TMEM132C: variants seen among roughly 807,000 people sequenced by gnomAD.
TMEM132C encodes the protein transmembrane protein 132C.
TMEM132C carries 29 observed loss-of-function variants against 61.4 expected under a neutral mutation model. The ratio of observed to expected loss-of-function variants is 0.47; its 90% CI spans 0.35 to 0.64. The LOEUF is 0.64. Among genes scored for constraint, TMEM132C ranks in the 30% least tolerant of loss-of-function variants. The pLI is 0.00. For synonymous variants in TMEM132C, 656 were observed against 633.1 expected (o/e 1.04, Z -0.54); for missense variants, 1,408 against 1,476.9 (o/e 0.95, Z 0.76).
chr12:128,386,084 T>G (rs749025393), intron 1 of TMEM132C, among the ~76,000 whole-genome samples: 2 of 152,142 alleles, frequency 1.3e-5, no homozygotes, highest in African/African-American at 4.8e-5. Flanking sequence ...AAGACACGCA[T>G]AATGAGGCTG....
intron 2 of TMEM132C, among the ~76,000 whole-genome samples, chr12:128,461,543 C>T (rs551663986): frequency 6.6e-6 from 1 of 152,192 alleles, no homozygotes; most frequent in African/African-American, 2.4e-5. Context: ...TATTGTTCCT[C>T]ATTTCCGGGA....
chr12:128,593,472 C>A, intron 3 of TMEM132C, among the ~76,000 whole-genome samples: 1 of 152,184 alleles, frequency 6.6e-6, no homozygotes, highest in Non-Finnish European at 1.5e-5. Context: ...CTGCAGATTG[C>A]GATGTGGAGA....
intron 3 of TMEM132C, among the ~76,000 whole-genome samples, chr12:128,605,485 A>C (rs115570412): frequency 6.6e-6 from 1 of 152,178 alleles, no homozygotes; most frequent in Non-Finnish European, 1.5e-5. Context: ...AAACACCCTC[A>C]CAGATACACC....
At chr12:128,667,002 G>A (rs1486449136) in intron 4 of TMEM132C, among the ~76,000 whole-genome samples, 1 of 152,194 alleles carries the variant, frequency 6.6e-6, no homozygotes, top group African/African-American at 2.4e-5. Flanking sequence ...CCCGGGAGGC[G>A]GAGCTTGCAG....
At chr12:128,686,584 C>A (rs1428092599) in intron 5 of TMEM132C, among the ~76,000 whole-genome samples, 3 of 152,126 alleles carry the variant, frequency 2.0e-5, no homozygotes, top group African/African-American at 7.2e-5. Context: ...CAGAGCAAGA[C>A]CCTGTCTCTG....
intron 5 of TMEM132C, among the ~76,000 whole-genome samples, chr12:128,686,303 C>A (rs1438391147): frequency 6.6e-6 from 1 of 152,192 alleles, no homozygotes; most frequent in Non-Finnish European, 1.5e-5. Context: ...ACATTCTACC[C>A]CGTTGATGCT....
intron 3 of TMEM132C, among the ~76,000 whole-genome samples, chr12:128,595,795 T>C (rs1211745998): frequency 1.3e-5 from 2 of 152,208 alleles, no homozygotes; most frequent in African/African-American, 2.4e-5. Context: ...ATCCACCTGG[T>C]GACGTCACAC....
intron 2 of TMEM132C, among the ~76,000 whole-genome samples, chr12:128,491,975 T>C (rs886311955): frequency 2.0e-5 from 3 of 152,050 alleles, no homozygotes; most frequent in Non-Finnish European, 4.4e-5. Context: ...ACATTAGGTA[T>C]ATCTCCTAAT....
chr12:128,489,270 G>A (rs1173846279), intron 2 of TMEM132C, among the ~76,000 whole-genome samples: 1 of 152,064 alleles, frequency 6.6e-6, no homozygotes, highest in Non-Finnish European at 1.5e-5. Context: ...CGGTGTTACA[G>A]ATGATGAGAC....
intron 2 of TMEM132C, among the ~76,000 whole-genome samples, chr12:128,508,154 A>T (rs1287531130): frequency 6.6e-6 from 1 of 152,160 alleles, no homozygotes; most frequent in African/African-American, 2.4e-5. Flanking sequence ...ATGGCTGGGG[A>T]GGCCTCACGA....
intron 5 of TMEM132C, among the ~76,000 whole-genome samples, chr12:128,675,743 T>G (rs1207465888): frequency 2.0e-5 from 3 of 150,846 alleles, no homozygotes; most frequent in Non-Finnish European, 4.4e-5. Flanking sequence ...GGAAGGGAGA[T>G]AGATAGATAA....
At chr12:128,526,378 C>G (rs532069888) in intron 2 of TMEM132C, among the ~76,000 whole-genome samples, 9 of 152,120 alleles carry the variant, frequency 5.9e-5, no homozygotes, top group Admixed American at 5.9e-4. Context: ...TGTGTCTTCA[C>G]GAGGTGGAGT....
At chr12:128,268,477 G>A (rs995172974) in intron 1 of TMEM132C, among the ~76,000 whole-genome samples, 3 of 152,126 alleles carry the variant, frequency 2.0e-5, no homozygotes, top group Non-Finnish European at 4.4e-5. Context: ...GCGCGCCCAG[G>A]GCGTAGAAAA....
At chr12:128,470,241 G>A (rs938372916) in intron 2 of TMEM132C, among the ~76,000 whole-genome samples, 1 of 152,136 alleles carries the variant, frequency 6.6e-6, no homozygotes, top group African/African-American at 2.4e-5. Context: ...AAAGTGGCTT[G>A]TCGACTTACC....
chr12:128,464,279 G>A (rs976608537), intron 2 of TMEM132C, among the ~76,000 whole-genome samples: 8 of 152,156 alleles, frequency 5.3e-5, no homozygotes, highest in African/African-American at 7.2e-5. Flanking sequence ...ACACCAGCAC[G>A]GCAAGGACTG....
intron 1 of TMEM132C, among the ~76,000 whole-genome samples, chr12:128,313,261 T>G (rs554388804): frequency 1.8e-4 from 28 of 152,292 alleles, no homozygotes; most frequent in African/African-American, 5.5e-4. Context: ...CCTGCACATA[T>G]GATAGGACAT....
intron 2 of TMEM132C, among the ~76,000 whole-genome samples, chr12:128,427,388 GT>G (rs1358804017): frequency 0.019 from 525 of 27,234 alleles, 6 homozygotes; most frequent in African/African-American, 0.056. Context: ...TTCCAAAGGG[GT>G]GTGTGTGTGT....
chr12:128,424,691 T>G (rs1869118754), intron 2 of TMEM132C, among the ~76,000 whole-genome samples: 1 of 152,228 alleles, frequency 6.6e-6, no homozygotes, highest in African/African-American at 2.4e-5. Context: ...TACTAAATAC[T>G]GAATTGTATA....
chr12:128,418,621 C>T (rs1283574022), intron 2 of TMEM132C, among the ~76,000 whole-genome samples: 2 of 152,234 alleles, frequency 1.3e-5, no homozygotes, highest in Non-Finnish European at 2.9e-5. Context: ...TAGACCCCTC[C>T]CCCAGCTTCC....
Sources: gnomAD v4.1 joint callset for allele counts (sites outside exome capture counted in the v4.1 genomes callset) on GRCh38, gnomAD v4.1.1 for gene constraint, MANE v1.5 for transcripts, NCBI Gene and HGNC (gene_info 2026-07-23, HGNC 2026-07-21) for gene names.